The following PCDHA10 variants were observed in gnomAD, a reference collection of about 807,000 sequenced individuals.
The protein encoded by PCDHA10 is protocadherin alpha-10.
In PCDHA10, 45 loss-of-function variants were observed where a neutral mutation model predicts 61.2. The observed-to-expected ratio is 0.74, with a 90% CI of 0.58 to 0.94. PCDHA10 has a LOEUF of 0.94. Ranked by LOEUF, PCDHA10 falls within the 40% of genes least tolerant of loss-of-function variation. The pLI, the probability that PCDHA10 is intolerant of heterozygous loss-of-function variation, is 0.00. For missense variants in PCDHA10, 1,278 were observed against 1,236.2 expected (o/e 1.03, Z -0.51); for synonymous variants, 602 against 548.8 (o/e 1.10, Z -1.35).
chr5:140,893,150 A>G (rs1398784015), intron 1 of PCDHA10, among the ~76,000 whole-genome samples: 1 of 152,066 alleles, frequency 6.6e-6, no homozygotes, highest in Non-Finnish European at 1.5e-5. Context: ...TCATCTGTTG[A>G]TGGATATTGA....
intron 1 of PCDHA10, chr5:140,927,149 T>C: frequency 1.2e-6 from 2 of 1,614,168 alleles, no homozygotes; most frequent in Non-Finnish European, 1.7e-6. Context: ...CGCGAACAGC[T>C]GTGCAGGGCC....
intron 1 of PCDHA10, among the ~76,000 whole-genome samples, chr5:140,977,965 C>T (rs782117847): frequency 3.3e-5 from 5 of 152,150 alleles, no homozygotes; most frequent in Non-Finnish European, 5.9e-5. Context: ...CCTCAATCTC[C>T]GCCCATGAAA....
At position 140,858,582 on chromosome 5, in the gene PCDHA10, A is replaced by G; in HGVS notation, c.2388+146A>G. ...ATTTCTAGTGATACCTTTGTAATAT[A>G]ATTTATTCCAGGAGTTTTAAAATTT... On this transcript the variant is annotated intron_variant, in intron 1 of 3. Transcript: ENST00000307360. The G allele has an allele frequency of 1.5e-6, 2 of 1,346,266 alleles. 1 individual carries two copies. Among genetic ancestry groups the G allele is most frequent in the Non-Finnish European group, 2.0e-6 (2 of 983,500 alleles). The allele number at this position is 1,346,266 out of a possible 1,614,324, so 83.4% of individuals were successfully genotyped here. A position where few individuals can be genotyped will look rare whatever the true frequency, so the allele number is the denominator to read the frequency against.
chr5:140,866,359 A>ATT (rs1376841789), intron 1 of PCDHA10: 14 of 152,148 alleles, frequency 9.2e-5, no homozygotes, highest in African/African-American at 2.9e-4. Context: ...TGTTTACAAT[A>ATT]TTGCATACTT....
chr5:140,934,040 T>C (rs185239175), intron 1 of PCDHA10, among the ~76,000 whole-genome samples: 230 of 152,238 alleles, frequency 1.5e-3, no homozygotes, highest in African/African-American at 5.3e-3. Flanking sequence ...ATTAATGATA[T>C]TAGTCTTTCC....
intron 1 of PCDHA10, chr5:140,859,970 T>C (rs894279399): frequency 6.6e-6 from 1 of 152,018 alleles, no homozygotes; most frequent in Non-Finnish European, 1.5e-5. Context: ...GTCTCAGGTA[T>C]ACAAGTGCAT....
intron 1 of PCDHA10, among the ~76,000 whole-genome samples, chr5:140,962,176 C>T (rs1554225858): frequency 6.6e-6 from 1 of 152,104 alleles, no homozygotes; most frequent in Admixed American, 6.6e-5. Flanking sequence ...CACCCGGCCA[C>T]TTATATCACT....
chr5:140,991,121 C>G (rs1220661100), intron 3 of PCDHA10, among the ~76,000 whole-genome samples: 1 of 152,184 alleles, frequency 6.6e-6, no homozygotes, highest in Non-Finnish European at 1.5e-5. Context: ...TTCTTACATT[C>G]ACACAGCTAG....
intron 1 of PCDHA10, among the ~76,000 whole-genome samples, chr5:140,917,939 G>A (rs1408047210): frequency 6.6e-6 from 1 of 151,830 alleles, no homozygotes; most frequent in African/African-American, 2.4e-5. Context: ...AAATAATATT[G>A]GTAGTTTGAT....
At chr5:140,885,131 CT>C (rs1162868700) in intron 1 of PCDHA10, among the ~76,000 whole-genome samples, 1 of 152,024 alleles carries the variant, frequency 6.6e-6, no homozygotes, top group Non-Finnish European at 1.5e-5. Flanking sequence ...TTCTTTCTTT[CT>C]TTTTTTAAAC....
intron 1 of PCDHA10, chr5:140,870,890 T>C: frequency 6.2e-7 from 1 of 1,613,954 alleles, no homozygotes; most frequent in Non-Finnish European, 8.5e-7. Flanking sequence ...GTGCGCGCAG[T>C]GGATGCGGAC....
chr5:140,858,651 T>A, intron 1 of PCDHA10: 1 of 830,780 alleles, frequency 1.2e-6, no homozygotes, highest in Non-Finnish European at 1.8e-6. Context: ...GTACTTAAAT[T>A]TTTTTAAATA....
At chr5:140,926,850 G>A (rs375350613) in intron 1 of PCDHA10, 3 of 1,517,570 alleles carry the variant, frequency 2.0e-6, no homozygotes, top group African/African-American at 2.8e-5. Flanking sequence ...CTGGGTCACC[G>A]TTGGTGTAGC....
rs543030376 is a variant in PCDHA10, at chr5:140,961,758, G to A, written c.2389-17191G>A. 3.3e-5 allele frequency among the ~76,000 whole-genome samples: 5 copies of A among 152,240 alleles called. No individual in the cohort carries two copies. In the South Asian group the frequency reaches 8.3e-4, roughly 25 times the overall value. On this transcript the variant is annotated intron_variant, in intron 1 of 3. Coordinates refer to ENST00000307360, the MANE Select transcript of PCDHA10 (RefSeq NM_018901.4). ...CTTTAGTAATATTACAGTTTTGAAG[G>A]AATTTATATCAAGCTTAATGGCACT...
chr5:141,011,221 A>G lies in PCDHA10; in HGVS notation c.*1284A>G, dbSNP rs1392607276. On this transcript the variant is annotated 3_prime_UTR_variant, in exon 4 of 4. Coordinates refer to ENST00000307360, the MANE Select transcript of PCDHA10 (RefSeq NM_018901.4). ...TCTCATACAGTGAGCAGATTTTTCA[A>G]TCTACTAATTCTGTGACTTGTCTTG... is the stretch of plus-strand genomic sequence containing the variant. The G allele has an allele frequency of 1.3e-5, 2 of 153,780 alleles. No individual in the cohort carries two copies. The highest frequency in any genetic ancestry group is 4.8e-5 in the African/African-American group (2 of 41,464). 9.5% of individuals were successfully genotyped at this position (153,780 alleles called of 1,614,324 possible).
At chr5:140,955,096 T>G (rs1366148224) in intron 1 of PCDHA10, among the ~76,000 whole-genome samples, 1 of 152,178 alleles carries the variant, frequency 6.6e-6, no homozygotes, top group Non-Finnish European at 1.5e-5. Flanking sequence ...GTGTGTGGTG[T>G]TATTTCTGAG....
At chr5:140,876,310 G>C (rs1167952130) in intron 1 of PCDHA10, 2 of 1,613,982 alleles carry the variant, frequency 1.2e-6, no homozygotes, top group Non-Finnish European at 1.7e-6. Context: ...AATTTCCTAT[G>C]GGATCAAAAT....
At chr5:140,989,777 A>G (rs1406464822) in intron 3 of PCDHA10, among the ~76,000 whole-genome samples, 2 of 152,230 alleles carry the variant, frequency 1.3e-5, no homozygotes, top group African/African-American at 4.8e-5. Context: ...AGCACTGGCT[A>G]GAGACTAGAG....
chr5:140,908,757 C>G (rs550540742), intron 1 of PCDHA10, among the ~76,000 whole-genome samples: 1 of 152,248 alleles, frequency 6.6e-6, no homozygotes, highest in Non-Finnish European at 1.5e-5. Context: ...TGCACACAGC[C>G]TGGACGTGTT....
Sources: gnomAD v4.1 joint callset for allele counts (sites outside exome capture counted in the v4.1 genomes callset) on GRCh38, gnomAD v4.1.1 for gene constraint, MANE v1.5 for transcripts, NCBI Gene and HGNC (gene_info 2026-07-23, HGNC 2026-07-21) for gene names.